CDH23: variants seen among roughly 807,000 people sequenced by gnomAD.
The protein encoded by CDH23 is cadherin-23.
In CDH23, 189 loss-of-function variants were observed where a neutral mutation model predicts 317.1. That is an observed-to-expected ratio of 0.60 (90% CI 0.53 to 0.67). CDH23 has a LOEUF of 0.67. Among genes scored for constraint, CDH23 ranks in the 30% least tolerant of loss-of-function variants. The probability of loss-of-function intolerance (pLI) is 0.00; values close to 1 mark genes in which losing one functional copy is unlikely to be tolerated. For synonymous variants in CDH23, 1,839 were observed against 1,876.8 expected (o/e 0.98, Z 0.52); for missense variants, 4,401 against 4,592.4 (o/e 0.96, Z 1.20).
intron 6 of CDH23, among the ~76,000 whole-genome samples, chr10:71,533,558 CACACACACACACT>C (rs1336481261): frequency 0.036 from 5,430 of 151,580 alleles, 130 homozygotes; most frequent in Middle Eastern, 0.075. Flanking sequence ...CACACACACA[CACACACACACACT>C]GGCTGGGGCT....
chr10:71,652,443 G>C (rs1863220805), intron 14 of CDH23, among the ~76,000 whole-genome samples: 2 of 152,236 alleles, frequency 1.3e-5, no homozygotes, highest in Admixed American at 6.5e-5. Flanking sequence ...CAGTGATGTG[G>C]TGTAAACAGG....
At chr10:71,469,580 A>G (rs1851409781) in intron 3 of CDH23, among the ~76,000 whole-genome samples, 1 of 151,630 alleles carries the variant, frequency 6.6e-6, no homozygotes, top group African/African-American at 2.4e-5. Flanking sequence ...GGCTATTCCA[A>G]ATAAAGCTTT....
Position 71,682,634 on chromosome 10 carries a change from G to A in CDH23, c.1986+62G>A, listed in dbSNP as rs1864703502. On this transcript the variant is annotated intron_variant, in intron 18 of 69. Transcript: ENST00000224721. The stretch of plus-strand genomic sequence containing the variant: ...GTAAGGGATGGTGAGTGCTTCCTGT[G>A]AACCCAGTACTGTAGGACTGTGGCC... 4.4e-6 allele frequency: 7 copies of A among 1,591,344 alleles called. No homozygotes were observed. In the South Asian group the frequency reaches 8.0e-5, roughly 18 times the overall value.
chr10:71,753,103 G>A, intron 38 of CDH23: 1 of 1,373,316 alleles, frequency 7.3e-7, no homozygotes, highest in Non-Finnish European at 1.0e-6. Context: ...ACAGGAGCGA[G>A]CCCAGGAGGG....
Position 71,682,496 on chromosome 10 carries a change from T to C in CDH23, c.1910T>C (p.Ile637Thr). The C allele has an allele frequency of 6.2e-7, 1 of 1,613,326 alleles. No individual in the cohort carries two copies. The highest frequency in any genetic ancestry group is 8.5e-7 in the Non-Finnish European group (1 of 1,179,626). Residue 637 changes from isoleucine to threonine, a missense_variant, in exon 18 of 70, where the codon ATT becomes ACT. Around this residue, in one of 3 missense-constraint regions of CDH23, gnomAD observed 3,068 missense variants for 3,203.3 expected, o/e 0.96. Coordinates refer to ENST00000224721, the MANE Select transcript of CDH23 (RefSeq NM_022124.6). ...LDYEQISNGL[I>T]YLTVMAMDAG... ...TATGAACAGATATCCAATGGGCTGA[T>C]TTATCTGACGGTCATGGCCATGGAT... is the stretch of plus-strand genomic sequence containing the variant.
intron 14 of CDH23, among the ~76,000 whole-genome samples, chr10:71,655,864 G>A (rs1226242879): frequency 6.6e-6 from 1 of 152,122 alleles, no homozygotes. Flanking sequence ...CAACGGAGAT[G>A]TTTGTCCAAG....
In CDH23 at chr10:71,807,925, T is replaced by G. The variant is rs1841787758; in HGVS notation, c.8640T>G (p.Leu2880=). 2 of 1,604,344 alleles carry G rather than the reference T, an allele frequency of 1.2e-6. No individual in the cohort carries two copies. The highest frequency in any genetic ancestry group is 1.7e-6 in the Non-Finnish European group (2 of 1,175,460). Reference sequence around the variant, plus strand: ...ATGCAGACATTGGCAACAACAGCCTTGTCTTCTACAGCATTCTGGCCATCC... The same window carrying G: ...ATGCAGACATTGGCAACAACAGCCTGGTCTTCTACAGCATTCTGGCCATCC... ...ALDADIGNNS[L]VFYSILAIHY... is the part of the protein sequence containing the mutation. Residue 2880 remains leucine, a synonymous_variant, in exon 60 of 70, where the codon CTT becomes CTG. Transcript: ENST00000224721.
At chr10:71,797,393 C>T (rs1297976885) in intron 49 of CDH23, among the ~76,000 whole-genome samples, 173 bp downstream of exon 49, 3 of 152,046 alleles carry the variant, frequency 2.0e-5, no homozygotes, top group African/African-American at 7.2e-5. Flanking sequence ...CACCGTGAGG[C>T]CCAGGGTGGT....
rs147334140 is a variant in CDH23, at chr10:71,639,703, G to A, written c.1135-4158G>A. ...GGACTGACGCTGTCTTTGGGCCATC[G>A]TGTGGATTCTGGTTAAGGTGTGTGA... On this transcript the variant is annotated intron_variant, in intron 11 of 69. Transcript: ENST00000224721. 1.9e-3 allele frequency among the ~76,000 whole-genome samples: 288 copies of A among 152,292 alleles called. 1 individual carries two copies. Among genetic ancestry groups the A allele is most frequent in the Admixed American group, 7.8e-3 (119 of 15,306 alleles).
rs10999986 is a variant in CDH23 at position 71,758,521 on chromosome 10, C to A, written c.4845+16600C>A. Among the ~76,000 whole-genome samples the A allele has an allele frequency of 9.5e-3, 1,452 of 152,284 alleles. 55 individuals are homozygous for A. In the East Asian group the frequency reaches 0.11, roughly 11 times the overall value. ...CAGTGCCCTCTTACCCTGTAGGGCA[C>A]CTCTCTGGCAAGCACCGGGGGGCTA... On this transcript the variant is annotated intron_variant, in intron 38 of 69. Transcript: ENST00000224721.
In CDH23 at chr10:71,439,842, A is replaced by G. The variant is rs1849789624; in HGVS notation, c.11A>G (p.His4Arg). 1 of 1,568,336 alleles carries G rather than the reference A, an allele frequency of 6.4e-7. No individual in the cohort carries two copies. The highest frequency in any genetic ancestry group is 1.2e-5 in the South Asian group (1 of 85,196). Residue 4 changes from histidine to arginine, a missense_variant, in exon 2 of 70, where the codon CAT becomes CGT. His to Arg is a conservative substitution (Grantham distance 29). Around this residue, in one of 3 missense-constraint regions of CDH23, gnomAD observed 3,068 missense variants for 3,203.3 expected, o/e 0.96. Transcript: ENST00000224721. The part of the protein sequence containing the change: MGR[H>R]VATSCHVAWL... ...GTGTCCCCAGGAGCCATGGGGCGCC[A>G]TGTTGCCACCAGCTGCCACGTGGCC...
chr10:71,723,482 G>C (rs868789038), intron 28 of CDH23, among the ~76,000 whole-genome samples: 1 of 152,162 alleles, frequency 6.6e-6, no homozygotes, highest in African/African-American at 2.4e-5. Context: ...CAGCCAGGCC[G>C]ATCTGAAGCT....
At chr10:71,474,938 T>C (rs139037297) in intron 3 of CDH23, among the ~76,000 whole-genome samples, 1 of 152,366 alleles carries the variant, frequency 6.6e-6, no homozygotes, top group African/African-American at 2.4e-5. Context: ...GCCATTGGCT[T>C]GGTCAATGTC....
At chr10:71,536,921 C>G (rs1423245782) in intron 6 of CDH23, among the ~76,000 whole-genome samples, 2 of 152,134 alleles carry the variant, frequency 1.3e-5, no homozygotes, top group Non-Finnish European at 2.9e-5. Context: ...CCTCTGCTGT[C>G]CTGCGAGCCT....
intron 6 of CDH23, among the ~76,000 whole-genome samples, chr10:71,521,401 T>A (rs1182673558): frequency 6.6e-6 from 1 of 152,206 alleles, no homozygotes; most frequent in Non-Finnish European, 1.5e-5. Context: ...GAGCCCACAC[T>A]TCCCACCATT....
chr10:71,436,615 CA>C (rs1395070931), intron 1 of CDH23, among the ~76,000 whole-genome samples: 3 of 152,216 alleles, frequency 2.0e-5, no homozygotes, highest in African/African-American at 7.2e-5. Context: ...ACCTACTTCA[CA>C]GAAGTGTTTT....
chr10:71,802,265 G>C (rs544896569), intron 53 of CDH23, among the ~76,000 whole-genome samples: 3 of 152,206 alleles, frequency 2.0e-5, no homozygotes, highest in African/African-American at 7.2e-5. Context: ...CCGAGATTGC[G>C]CCATTGCACT....
chr10:71,507,539 A>T (rs1853712468), intron 3 of CDH23, among the ~76,000 whole-genome samples: 1 of 152,084 alleles, frequency 6.6e-6, no homozygotes, highest in African/African-American at 2.4e-5. Flanking sequence ...TAAAACTACG[A>T]AAAATTAGCT....
intron 1 of CDH23, among the ~76,000 whole-genome samples, chr10:71,420,485 ATGGTGATGATGGTAATGGTGATGG>A (rs1848739830): frequency 8.5e-6 from 1 of 117,282 alleles, no homozygotes; most frequent in Non-Finnish European, 1.8e-5. Context: ...GATGATGGTG[ATGGTGATGATGGTAATGGTGATGG>A]TGATGATGGT....
Sources: gnomAD v4.1 joint callset for allele counts (sites outside exome capture counted in the v4.1 genomes callset) on GRCh38, gnomAD v4.1.1 for gene constraint, gnomAD v4.1.1 regional missense constraint, MANE v1.5 for transcripts, NCBI Gene and HGNC (gene_info 2026-07-23, HGNC 2026-07-21) for gene names.